PLIN4: variants seen among roughly 807,000 people sequenced by gnomAD.
PLIN4 encodes perilipin-4.
A neutral mutation model predicts 52.4 loss-of-function variants in PLIN4; 57 were observed. The ratio of observed to expected loss-of-function variants is 1.09; its 90% confidence interval spans 0.88 to 1.36. The LOEUF is 1.36. Among genes scored for constraint, PLIN4 ranks in the 40% most tolerant of loss-of-function variants. PLIN4 has a pLI of 0.00. For missense variants in PLIN4, 1,757 were observed against 1,770.3 expected (o/e 0.99, Z 0.13); for synonymous variants, 826 against 785.4 (o/e 1.05, Z -0.86).
intron 4 of PLIN4, 34 bp from the exon 5 acceptor site, chr19:4,513,735 G>A (rs1303823490): frequency 3.9e-6 from 6 of 1,539,782 alleles, no homozygotes; most frequent in South Asian, 1.3e-5. Context: ...ATCAAGAGAA[G>A]GACTGAGAGG....
chr19:4,502,349 C>G lies in PLIN4; in HGVS notation c.*2110G>C. The G allele has an allele frequency of 2.6e-6, 1 of 381,676 alleles. No individual in the cohort carries two copies. Among genetic ancestry groups the G allele is most frequent in the South Asian group, 2.2e-5 (1 of 44,950 alleles). 23.6% of individuals were successfully genotyped at this position (381,676 alleles called of 1,614,324 possible). On this transcript the variant is annotated 3_prime_UTR_variant, in exon 8 of 8. Transcript: ENST00000301286. ...CCGTGAGAAGCGACTAAAAGGCACT[C>G]TGGGCCCAGCCCAACCCTGAAAGGC...
chr19:4,504,455 A>G lies in PLIN4; in HGVS notation c.*4T>C. 1 of 1,562,246 alleles carries G rather than the reference A, an allele frequency of 6.4e-7. No homozygotes were observed. The highest frequency in any genetic ancestry group is 2.3e-5 in the East Asian group (1 of 43,316). ...CCCCGCGCCGGGCCTGCAGGCTCCT[A>G]CAGCTACTGCCCGCCAGCGGGCAAG... On this transcript the variant is annotated 3_prime_UTR_variant, in exon 8 of 8. Coordinates refer to ENST00000301286, the MANE Select transcript of PLIN4 (RefSeq NM_001367868.2).
Position 4,517,679 on chromosome 19 carries a change from C to A in PLIN4, c.71G>T (p.Gly24Val), listed in dbSNP as rs1355958407. 1 of 1,597,644 alleles carries A rather than the reference C, an allele frequency of 6.3e-7. No homozygotes were observed. The highest frequency in any genetic ancestry group is 1.1e-5 in the South Asian group (1 of 88,610). The change falls in exon 3 of 8, where the codon GGG (glycine) becomes GTG (valine). Residue 24 changes from glycine (G) to valine (V), a missense_variant. Transcript: ENST00000301286. ...PKGKTLGSFF[G>V]SLPGFSSARN... ...GGCAGAGCTGAAGCCAGGCAGGGACCCAAAGAAGCTGCCCAGGGTCTGCAT... is the reference window on the plus strand; with the variant it reads ...GGCAGAGCTGAAGCCAGGCAGGGACACAAAGAAGCTGCCCAGGGTCTGCAT...
rs201410585 is a variant in PLIN4, at chr19:4,508,805, C to A, written c.3665G>T (p.Arg1222Met). 202 of 1,597,994 alleles carry A rather than the reference C, an allele frequency of 1.3e-4. No individual in the cohort carries two copies. The highest frequency in any genetic ancestry group is 1.6e-4 in the Non-Finnish European group (187 of 1,172,888). Residue 1222 changes from arginine to methionine, a missense_variant, in exon 6 of 8, where the codon AGG becomes ATG. By Grantham distance (91) the Arg-to-Met change is moderately conservative. Transcript: ENST00000301286. Reference protein sequence around the residue: ...SHLQHGQFQARDTLAQLQDCF... With the variant: ...SHLQHGQFQAMDTLAQLQDCF... ...GTCCTGGAGCTGGGCCAGAGTGTCC[C>A]TGGCTTGGAACTGGCCGTGCTGCAG...
Position 4,512,804 on chromosome 19 carries a change from G to C in PLIN4, c.1156C>G (p.Gln386Glu). The change falls in exon 5 of 8, where the codon CAG becomes GAG. Residue 386 changes from glutamine (Q) to glutamate (E), a missense_variant. By Grantham distance (29) the Gln-to-Glu change is conservative. Coordinates refer to ENST00000301286, the MANE Select transcript of PLIN4 (RefSeq NM_001367868.2). ...GAVNLAKEAIQGGLDTTKSMV... is the reference protein window; with the variant it reads ...GAVNLAKEAIEGGLDTTKSMV... ...GACTTGGTGGTATCCAGGCCCCCCT[G>C]GATGGCCTCTTTGGCCAAGTTCACG... 4 of 1,564,486 alleles carry C rather than the reference G, an allele frequency of 2.6e-6. 1 individual carries two copies. The highest frequency in any genetic ancestry group is 3.4e-6 in the Non-Finnish European group (4 of 1,161,714).
intron 4 of PLIN4, among the ~76,000 whole-genome samples, chr19:4,516,195 G>C (rs1261576373): frequency 1.3e-5 from 2 of 152,182 alleles, no homozygotes; most frequent in Non-Finnish European, 2.9e-5. Context: ...CAGGAGAATC[G>C]CTTGAACCTG....
At position 4,504,162 on chromosome 19, in the gene PLIN4, C is replaced by A; in HGVS notation, c.*297G>T. The A allele has an allele frequency of 2.8e-6, 1 of 359,886 alleles. No individual in the cohort carries two copies. Among genetic ancestry groups the A allele is most frequent in the African/African-American group, 2.1e-5 (1 of 47,846 alleles). 22.3% of individuals were successfully genotyped at this position (359,886 alleles called of 1,614,324 possible). A position where few individuals can be genotyped will look rare whatever the true frequency, so the allele number is the denominator to read the frequency against. The stretch of plus-strand genomic sequence containing the variant: ...TTCTCTTTCCTAATTGCAGTGCTTG[C>A]TTGGGGACTTCAAGGGAAGGCTCTT... On this transcript the variant is annotated 3_prime_UTR_variant, in exon 8 of 8. Coordinates refer to ENST00000301286, the MANE Select transcript of PLIN4 (RefSeq NM_001367868.2).
At chr19:4,505,447 C>T (rs1030417621) in intron 6 of PLIN4, among the ~76,000 whole-genome samples, 11 of 152,244 alleles carry the variant, frequency 7.2e-5, no homozygotes, top group Non-Finnish European at 8.8e-5. Flanking sequence ...TCGGCCTCAG[C>T]TCCAGGTGAC....
In PLIN4 at chr19:4,508,805, C is replaced by G. The variant is rs201410585; in HGVS notation, c.3665G>C (p.Arg1222Thr). The change falls in exon 6 of 8, where the codon AGG (arginine) becomes ACG (threonine). Residue 1222 changes from arginine (R) to threonine (T), a missense_variant. Physicochemically the swap from Arg to Thr is moderately conservative, Grantham distance 71 (BLOSUM62 -1). Coordinates refer to ENST00000301286, the MANE Select transcript of PLIN4 (RefSeq NM_001367868.2). ...SHLQHGQFQA[R>T]DTLAQLQDCF... ...GTCCTGGAGCTGGGCCAGAGTGTCCCTGGCTTGGAACTGGCCGTGCTGCAG... is the reference window on the plus strand; with the variant it reads ...GTCCTGGAGCTGGGCCAGAGTGTCCGTGGCTTGGAACTGGCCGTGCTGCAG... 1 of 1,597,994 alleles carries G rather than the reference C, an allele frequency of 6.3e-7. No homozygotes were observed. The highest frequency in any genetic ancestry group is 1.3e-5 in the African/African-American group (1 of 74,550).
At chr19:4,514,587 T>C (rs907688542) in intron 4 of PLIN4, among the ~76,000 whole-genome samples, 3 of 148,172 alleles carry the variant, frequency 2.0e-5, no homozygotes. Context: ...ATTAGCCGGG[T>C]GTGGTGGTGG....
Position 4,504,840 on chromosome 19 carries a change from C to G in PLIN4, c.3789+21G>C, listed in dbSNP as rs572842776. Reference sequence around the variant, plus strand: ...GACCCATGGGCGGGGTGGGGGGACCCTAGCCCTGTGCCAGACCCACCTCCT... The same window carrying G: ...GACCCATGGGCGGGGTGGGGGGACCGTAGCCCTGTGCCAGACCCACCTCCT... On this transcript the variant is annotated intron_variant, in intron 7 of 7. Transcript: ENST00000301286. 5 of 1,603,698 alleles carry G rather than the reference C, an allele frequency of 3.1e-6. No homozygotes were observed. The South Asian group carries it at 5.6e-5, about 18-fold the overall frequency.
rs1294716692 is a variant in PLIN4 at position 4,508,931 on chromosome 19, C to T, written c.3539G>A (p.Gly1180Glu). The T allele has an allele frequency of 3.1e-6, 5 of 1,612,354 alleles. No homozygotes were observed. In the East Asian group the frequency reaches 1.1e-4, roughly 36 times the overall value. Residue 1180 changes from glycine to glutamate, a missense_variant, in exon 6 of 8, where the codon GGG becomes GAG. Coordinates refer to ENST00000301286, the MANE Select transcript of PLIN4 (RefSeq NM_001367868.2). ...CTGTTCCGCCGACAGCACCTTTGGC[C>T]CAGGCTGGGAGGCAGCCAGCTGAGC... Reference protein sequence around the residue: ...EQAQLAASQPGPKVLSAEQGS... With the variant: ...EQAQLAASQPEPKVLSAEQGS...
In PLIN4 at chr19:4,512,268, T is replaced by A; in HGVS notation, c.1692A>T (p.Thr564=). 1.9e-6 allele frequency: 3 copies of A among 1,602,232 alleles called. No homozygotes were observed. Among genetic ancestry groups the A allele is most frequent in the Non-Finnish European group, 2.6e-6 (3 of 1,175,402 alleles). The change falls in exon 5 of 8, where the codon ACA becomes ACT. Residue 564 remains threonine, a synonymous_variant. Transcript: ENST00000301286. ...TGAGCCCAGTGGACATCGTGTCTTTTGTACCTATGACCACAGACTTGGTGG... is the reference window on the plus strand; with the variant it reads ...TGAGCCCAGTGGACATCGTGTCTTTAGTACCTATGACCACAGACTTGGTGG... ...LDTTKSVVIG[T]KDTMSTGLTG...
At position 4,517,682 on chromosome 19, in the gene PLIN4, A is replaced by G. The variant is rs1356733564; in HGVS notation, c.68T>C (p.Phe23Ser). ...KPKGKTLGSF[F>S]GSLPGFSSAR... ...AGAGCTGAAGCCAGGCAGGGACCCA[A>G]AGAAGCTGCCCAGGGTCTGCATGGG... Residue 23 changes from phenylalanine (F) to serine (S), a missense_variant, in exon 3 of 8, where the codon TTT becomes TCT. Coordinates refer to ENST00000301286, the MANE Select transcript of PLIN4 (RefSeq NM_001367868.2). 4 of 1,596,274 alleles carry G rather than the reference A, an allele frequency of 2.5e-6. No homozygotes were observed. Among genetic ancestry groups the G allele is most frequent in the Admixed American group, 1.7e-5 (1 of 57,404 alleles).
chr19:4,510,697 G>T lies in PLIN4; in HGVS notation c.3263C>A (p.Pro1088Gln). The change falls in exon 5 of 8, where the codon CCG becomes CAG. Residue 1088 changes from proline to glutamine, a missense_variant. Pro to Gln is a moderately conservative substitution (Grantham distance 76). Transcript: ENST00000301286. ...CGGGGGCGTGGAGATGCCAGAGAAC[G>T]GGGCCTCTTGGGGGCTCAGGGCAGT... ...EQTALSPQEA[P>Q]FSGISTPPDV... The T allele has an allele frequency of 6.6e-7, 1 of 1,523,116 alleles. No homozygotes were observed. The allele number at this position is 1,523,116 out of a possible 1,614,324, so 94.4% of individuals were successfully genotyped here.
chr19:4,512,049 C>T lies in PLIN4; in HGVS notation c.1911G>A (p.Gly637=), dbSNP rs945670864. The change falls in exon 5 of 8, where the codon GGG becomes GGA. Residue 637 remains glycine, a synonymous_variant. Transcript: ENST00000301286. ...TGGCCACGTTCACGGCACTGGTGACCCCACTGTAGATGGTGTCCTTGGTAC... is the reference window on the plus strand; with the variant it reads ...TGGCCACGTTCACGGCACTGGTGACTCCACTGTAGATGGTGTCCTTGGTAC... ...LTGTKDTIYS[G]VTSAVNVAKG... 2 of 1,612,612 alleles carry T rather than the reference C, an allele frequency of 1.2e-6. No homozygotes were observed. The highest frequency in any genetic ancestry group is 1.3e-5 in the African/African-American group (1 of 74,128).
At chr19:4,505,564 G>A (rs778985383) in intron 6 of PLIN4, among the ~76,000 whole-genome samples, 1 of 152,148 alleles carries the variant, frequency 6.6e-6, no homozygotes, top group African/African-American at 2.4e-5. Flanking sequence ...TCATTGACTT[G>A]GTGTTTATCC....
At chr19:4,508,978 C>A in intron 5 of PLIN4, 23 bp from the exon 6 acceptor site, 1 of 1,598,860 alleles carries the variant, frequency 6.3e-7, no homozygotes, top group South Asian at 1.1e-5. Flanking sequence ...GCGCACCGCT[C>A]AGTCCCGGAA....
At position 4,516,695 on chromosome 19, in the gene PLIN4, C is replaced by T. The variant is rs369989191; in HGVS notation, c.197-17G>A. The stretch of plus-strand genomic sequence containing the variant: ...GGGCAGCCACTGTGGGGACAGGGGC[C>T]GGTCAGGGAGAGTGAGGGATGCAGT... On this transcript the variant is annotated splice_polypyrimidine_tract_variant and intron_variant, in intron 3 of 7. Transcript: ENST00000301286. 10 of 1,579,244 alleles carry T rather than the reference C, an allele frequency of 6.3e-6. No individual in the cohort carries two copies. The highest frequency in any genetic ancestry group is 2.3e-5 in the East Asian group (1 of 43,230).
Sources: gnomAD v4.1 joint callset for allele counts (sites outside exome capture counted in the v4.1 genomes callset) on GRCh38, gnomAD v4.1.1 for gene constraint, MANE v1.5 for transcripts, NCBI Gene and HGNC (gene_info 2026-07-23, HGNC 2026-07-21) for gene names.